Variants in GRM1 observed in about 807,000 individuals in gnomAD.
The protein encoded by GRM1 is metabotropic glutamate receptor 1.
GRM1 carries 33 observed loss-of-function variants against 90.9 expected under a neutral mutation model. That is an observed-to-expected ratio of 0.36 (90% CI 0.28 to 0.49). The LOEUF is 0.49. GRM1 is among the 20% of genes least tolerant of loss of function. The pLI is 0.99. For synonymous variants in GRM1, 700 were observed against 613.2 expected (o/e 1.14, Z -2.09); for missense variants, 1,190 against 1,534.3 (o/e 0.78, Z 3.75).
At chr6:146,352,137 T>G in intron 3 of GRM1, 113 bp from the exon 4 acceptor site, 1 of 1,052,330 alleles carries the variant, frequency 9.5e-7, no homozygotes, top group East Asian at 2.4e-5. Flanking sequence ...CTTCTGCCAG[T>G]GTCATTGCTC....
In GRM1 at chr6:146,434,275, C is replaced by T; in HGVS notation, c.3064C>T (p.Gln1022Ter). Residue 1022 changes from glutamine (Q) to a stop codon, truncating the protein, a stop_gained, in exon 8 of 8, where the codon CAA becomes TAA. Transcript: ENST00000282753. LOFTEE classifies it high-confidence loss of function. ...GCCCCCTCCTCTCCAGCAGCAGCAGCAACCCCCTCCACAGCAGAAATCGCT... is the reference window on the plus strand; with the variant it reads ...GCCCCCTCCTCTCCAGCAGCAGCAGTAACCCCCTCCACAGCAGAAATCGCT... ...GLPPPLQQQQ[Q>*]PPPQQKSLMD... is the part of the protein sequence containing the mutation. 1 of 1,600,362 alleles carries T rather than the reference C, an allele frequency of 6.2e-7. No homozygotes were observed. The highest frequency in any genetic ancestry group is 8.5e-7 in the Non-Finnish European group (1 of 1,171,454).
intron 5 of GRM1, among the ~76,000 whole-genome samples, chr6:146,362,690 A>C (rs1562639604): frequency 1.4e-5 from 2 of 147,044 alleles, no homozygotes; most frequent in East Asian, 2.0e-4. Flanking sequence ...AAAAAAAGAC[A>C]TTTCATCTGA....
intron 1 of GRM1, among the ~76,000 whole-genome samples, chr6:146,106,403 C>A (rs776132042): frequency 6.6e-6 from 1 of 152,158 alleles, no homozygotes. Flanking sequence ...GAAATGAATT[C>A]TTGGCTATAA....
chr6:146,331,123 G>C (rs1413680210), intron 3 of GRM1, among the ~76,000 whole-genome samples: 1 of 152,182 alleles, frequency 6.6e-6, no homozygotes, highest in African/African-American at 2.4e-5. Context: ...TATCATCAGG[G>C]AAGGAGTCTC....
intron 2 of GRM1, among the ~76,000 whole-genome samples, chr6:146,215,418 T>G (rs1469781533): frequency 2.0e-5 from 3 of 152,126 alleles, no homozygotes; most frequent in African/African-American, 7.2e-5. Flanking sequence ...TGAATTGCTT[T>G]TCTCCATCAT....
chr6:146,355,321 T>G (rs796898284), intron 4 of GRM1, among the ~76,000 whole-genome samples: 6 of 152,272 alleles, frequency 3.9e-5, no homozygotes, highest in African/African-American at 1.2e-4. Flanking sequence ...AATTCTCACT[T>G]GGATATCACT....
intron 2 of GRM1, among the ~76,000 whole-genome samples, chr6:146,210,788 C>T (rs1005008348): frequency 5.3e-5 from 8 of 152,134 alleles, no homozygotes; most frequent in Non-Finnish European, 8.8e-5. Flanking sequence ...ATAAGGGAGA[C>T]TAATTTCACG....
chr6:146,421,978 T>C (rs1778011703), intron 7 of GRM1, among the ~76,000 whole-genome samples: 1 of 152,174 alleles, frequency 6.6e-6, no homozygotes. Flanking sequence ...TGTATTTATC[T>C]ATAAAAACAA....
chr6:146,383,813 T>C (rs1051559748), intron 5 of GRM1, among the ~76,000 whole-genome samples: 4 of 152,142 alleles, frequency 2.6e-5, no homozygotes, highest in East Asian at 1.9e-4. Flanking sequence ...ATCATTTTTA[T>C]TGTGTTAGAG....
At chr6:146,369,179 G>C (rs1231913988) in intron 5 of GRM1, among the ~76,000 whole-genome samples, 1 of 151,578 alleles carries the variant, frequency 6.6e-6, no homozygotes, top group African/African-American at 2.4e-5. Context: ...ATCAATTGTG[G>C]TGCCTTTTTT....
At position 146,088,622 on chromosome 6, in the gene GRM1, G is replaced by A. The variant is rs1164947927; in HGVS notation, c.700+58405G>A. On this transcript the variant is annotated intron_variant, in intron 1 of 7. Transcript: ENST00000282753. The stretch of plus-strand genomic sequence containing the variant: ...ACAATCTTGTTTTAAGTCTTACCAG[G>A]ATGCCAGTAGATGTCATTGGTCCAA... 2.6e-5 allele frequency among the ~76,000 whole-genome samples: 4 copies of A among 152,080 alleles called. No individual in the cohort carries two copies. In the South Asian group the frequency reaches 8.3e-4, roughly 32 times the overall value.
intron 3 of GRM1, among the ~76,000 whole-genome samples, chr6:146,333,808 G>C (rs1262446664): frequency 6.6e-6 from 1 of 151,994 alleles, no homozygotes; most frequent in Admixed American, 6.6e-5. Context: ...ACCTAGAAAG[G>C]TTTATGAGCT....
chr6:146,323,284 A>G (rs1424659886), intron 3 of GRM1, among the ~76,000 whole-genome samples: 1 of 152,184 alleles, frequency 6.6e-6, no homozygotes, highest in Admixed American at 6.5e-5. Context: ...TTGCCATTCT[A>G]ACTGGTGTGA....
chr6:146,159,714 A>C, intron 2 of GRM1, 117 bp downstream of exon 2: 2 of 964,332 alleles, frequency 2.1e-6, no homozygotes, highest in Non-Finnish European at 3.2e-6. Context: ...TGCTAACTCC[A>C]AAGTGGGAGA....
At chr6:146,274,231 C>A (rs1403975398) in intron 2 of GRM1, among the ~76,000 whole-genome samples, 1 of 152,130 alleles carries the variant, frequency 6.6e-6, no homozygotes, top group East Asian at 1.9e-4. Context: ...TAATCTGGCA[C>A]TTTTTTATAT....
intron 2 of GRM1, among the ~76,000 whole-genome samples, chr6:146,179,410 T>G (rs1778457690): frequency 6.6e-6 from 1 of 152,224 alleles, no homozygotes; most frequent in Non-Finnish European, 1.5e-5. Flanking sequence ...GATTGAACTT[T>G]CTGCTCATTC....
At chr6:146,266,027 A>C (rs113585692) in intron 2 of GRM1, among the ~76,000 whole-genome samples, 30 of 152,166 alleles carry the variant, frequency 2.0e-4, no homozygotes, top group African/African-American at 6.7e-4. Flanking sequence ...TGTCTCTACT[A>C]AAATACAAAA....
intron 6 of GRM1, among the ~76,000 whole-genome samples, chr6:146,397,521 A>T (rs1232475872): frequency 2.6e-5 from 4 of 151,420 alleles, no homozygotes; most frequent in Non-Finnish European, 5.9e-5. Flanking sequence ...AAAGCTAAAC[A>T]AATTGCTTAC....
intron 5 of GRM1, among the ~76,000 whole-genome samples, chr6:146,372,600 A>T (rs529250797): frequency 2.0e-4 from 31 of 152,222 alleles, no homozygotes; most frequent in African/African-American, 7.2e-4. Context: ...TAGGTCTTAG[A>T]TTTAAGTCTT....
Sources: gnomAD v4.1 joint callset for allele counts (sites outside exome capture counted in the v4.1 genomes callset) on GRCh38, gnomAD v4.1.1 for gene constraint, MANE v1.5 for transcripts, NCBI Gene and HGNC (gene_info 2026-07-23, HGNC 2026-07-21) for gene names.